The following WDPCP variants were observed in gnomAD, a reference collection of about 807,000 sequenced individuals.
WDPCP encodes the protein WD repeat containing planar cell polarity effector, also known as WD repeat-containing and planar cell polarity effector protein fritz homolog.
In WDPCP, 71 loss-of-function variants were observed where a neutral mutation model predicts 93.1. The ratio of observed to expected loss-of-function variants is 0.76; its 90% CI spans 0.63 to 0.93. WDPCP has a LOEUF of 0.93. Ranked by LOEUF, WDPCP falls within the 40% of genes least tolerant of loss-of-function variation. WDPCP has a pLI of 0.00. For missense variants in WDPCP, 844 were observed against 887.4 expected (o/e 0.95, Z 0.62); for synonymous variants, 315 against 315.0 (o/e 1.00, Z 0.00).
intron 6 of WDPCP, among the ~76,000 whole-genome samples, chr2:63,446,641 T>C (rs557938844): frequency 3.2e-4 from 49 of 152,176 alleles, no homozygotes; most frequent in African/African-American, 1.2e-3. Flanking sequence ...TCAAATGGAG[T>C]GGTGGGCAGT....
At chr2:63,701,874 A>C (rs890794062) in intron 2 of WDPCP, among the ~76,000 whole-genome samples, 8 of 152,176 alleles carry the variant, frequency 5.3e-5, no homozygotes, top group Non-Finnish European at 1.2e-4. Flanking sequence ...GGATGAAGAG[A>C]GGTTGACTAA....
At chr2:63,374,933 A>C (rs1298550285) in intron 12 of WDPCP, among the ~76,000 whole-genome samples, 2 of 152,034 alleles carry the variant, frequency 1.3e-5, no homozygotes, top group Admixed American at 6.6e-5. Flanking sequence ...ATAACCAAAA[A>C]ATTTTATTTC....
intron 15 of WDPCP, among the ~76,000 whole-genome samples, chr2:63,160,459 A>G (rs1220632837): frequency 1.3e-5 from 2 of 152,174 alleles, no homozygotes; most frequent in Non-Finnish European, 2.9e-5. Flanking sequence ...AAATTTGACT[A>G]TCACAAAGAA....
intron 9 of WDPCP, among the ~76,000 whole-genome samples, chr2:63,414,472 T>TACACACACAC (rs146569752): frequency 3.4e-5 from 5 of 148,796 alleles, no homozygotes; most frequent in Non-Finnish European, 6.0e-5. Flanking sequence ...CACACACATA[T>TACACACACAC]ACACACACAC....
chr2:63,202,387 A>C (rs567892073), intron 14 of WDPCP, among the ~76,000 whole-genome samples: 1 of 152,140 alleles, frequency 6.6e-6, no homozygotes, highest in Admixed American at 6.5e-5. Flanking sequence ...GATATGGCCA[A>C]CTTTTCCTGA....
At chr2:63,637,940 C>G (rs775492874) in intron 3 of WDPCP, among the ~76,000 whole-genome samples, 3 of 152,148 alleles carry the variant, frequency 2.0e-5, no homozygotes, top group African/African-American at 7.2e-5. Flanking sequence ...CTGAGTATAG[C>G]TCTGAAGTCA....
intron 6 of WDPCP, among the ~76,000 whole-genome samples, chr2:63,463,800 G>A (rs1368116295): frequency 2.6e-5 from 4 of 152,098 alleles, no homozygotes; most frequent in Admixed American, 6.6e-5. Context: ...GCAAAAGAAC[G>A]AAGTTGAACC....
chr2:63,835,434 G>A, the WDPCP span, among the ~76,000 whole-genome samples: 1 of 143,738 alleles, frequency 7.0e-6, no homozygotes, highest in Non-Finnish European at 1.5e-5. Flanking sequence ...TATTACTAGA[G>A]AACTTCAGTC....
At chr2:63,313,843 A>T (rs1686373681) in intron 12 of WDPCP, among the ~76,000 whole-genome samples, 2 of 60,278 alleles carry the variant, frequency 3.3e-5, no homozygotes, top group South Asian at 1.5e-3. Context: ...GGCAATACTA[A>T]TTATTCATAC....
chr2:63,514,447 T>C (rs1169081341), intron 1 of WDPCP, among the ~76,000 whole-genome samples: 4 of 152,164 alleles, frequency 2.6e-5, no homozygotes, highest in African/African-American at 7.2e-5. Flanking sequence ...GGTTGCACCA[T>C]TGATACAGCT....
upstream of WDPCP, chr2:63,589,818 G>T (rs1483734173): frequency 4.3e-6 from 1 of 230,412 alleles, no homozygotes; most frequent in Non-Finnish European, 8.8e-6. Flanking sequence ...GAACTCTGGC[G>T]TAGGAATAAT....
chr2:63,122,156 CAAAAT>C (rs1250585326), intron 17 of WDPCP, 100 bp from the exon 18 acceptor site: 73 of 989,728 alleles, frequency 7.4e-5, no homozygotes, highest in Non-Finnish European at 1.0e-4. Context: ...AATAGTGAAA[CAAAAT>C]AAAATAGTTT....
intron 10 of WDPCP, among the ~76,000 whole-genome samples, chr2:63,393,099 C>T (rs1003088003): frequency 1.8e-4 from 27 of 152,196 alleles, no homozygotes; most frequent in Non-Finnish European, 2.6e-4. Context: ...ATGTTTATTG[C>T]GGCACTATTC....
chr2:63,534,365 C>A (rs1327196274), intron 1 of WDPCP, among the ~76,000 whole-genome samples: 1 of 152,166 alleles, frequency 6.6e-6, no homozygotes, highest in Admixed American at 6.5e-5. Context: ...TTTTATGAGG[C>A]CAGCATCAAC....
intron 12 of WDPCP, among the ~76,000 whole-genome samples, chr2:63,331,585 T>C (rs745595316): frequency 6.6e-6 from 1 of 152,234 alleles, no homozygotes; most frequent in Non-Finnish European, 1.5e-5. Flanking sequence ...TAGATGAATG[T>C]ATAGTTATGT....
intron 13 of WDPCP, among the ~76,000 whole-genome samples, chr2:63,299,133 A>G (rs779587996): frequency 3.3e-5 from 5 of 152,230 alleles, no homozygotes; most frequent in Non-Finnish European, 7.3e-5. Flanking sequence ...GAAAGGGCAC[A>G]GGCTGCTATT....
At chr2:63,173,805 G>T (rs1231767596) in intron 15 of WDPCP, among the ~76,000 whole-genome samples, 1 of 152,148 alleles carries the variant, frequency 6.6e-6, no homozygotes. Context: ...AATGTGTACA[G>T]TTTGAGGCAT....
intron 14 of WDPCP, among the ~76,000 whole-genome samples, chr2:63,227,254 T>G (rs191533664): frequency 8.5e-4 from 129 of 152,074 alleles, no homozygotes; most frequent in African/African-American, 3.0e-3. Context: ...TGTAGAAGTT[T>G]CCATTTCATA....
At chr2:63,153,315 G>A (rs1209673429) in intron 16 of WDPCP, among the ~76,000 whole-genome samples, 180 bp downstream of exon 16, 1 of 152,044 alleles carries the variant, frequency 6.6e-6, no homozygotes, top group Non-Finnish European at 1.5e-5. Flanking sequence ...TATGATCATT[G>A]AAATTTCACC....
Sources: gnomAD v4.1 joint callset for allele counts (sites outside exome capture counted in the v4.1 genomes callset) on GRCh38, gnomAD v4.1.1 for gene constraint, MANE v1.5 for transcripts, NCBI Gene and HGNC (gene_info 2026-07-23, HGNC 2026-07-21) for gene names.